The following ICA1 variants were observed in gnomAD, a reference collection of about 807,000 sequenced individuals.
ICA1 encodes the protein islet cell autoantigen 1, also known as 69 kDa islet cell autoantigen.
A neutral mutation model predicts 71.0 loss-of-function variants in ICA1; 40 were observed. The observed-to-expected ratio is 0.56, with a 90% CI of 0.44 to 0.73. The LOEUF (loss-of-function observed/expected upper bound fraction) is 0.73. Ranked by LOEUF, ICA1 falls within the 30% of genes least tolerant of loss-of-function variation. ICA1 has a pLI of 0.00. For synonymous variants in ICA1, 207 were observed against 209.5 expected (o/e 0.99, Z 0.10); for missense variants, 578 against 576.5 (o/e 1.00, Z -0.03).
At chr7:8,190,253 T>G (rs998669467) in intron 6 of ICA1, among the ~76,000 whole-genome samples, 1 of 152,160 alleles carries the variant, frequency 6.6e-6, no homozygotes, top group African/African-American at 2.4e-5. Flanking sequence ...TAGGAACATT[T>G]GGAAAGTCCT....
intron 6 of ICA1, among the ~76,000 whole-genome samples, chr7:8,181,337 C>T (rs1406893191): frequency 6.6e-6 from 1 of 152,154 alleles, no homozygotes; most frequent in Non-Finnish European, 1.5e-5. Flanking sequence ...CATCGATCTA[C>T]TGGATCATTC....
At chr7:8,134,471 G>C (rs1033507626) in intron 12 of ICA1, among the ~76,000 whole-genome samples, 1 of 152,154 alleles carries the variant, frequency 6.6e-6, no homozygotes, top group Non-Finnish European at 1.5e-5. Context: ...CAGAAAAGCT[G>C]GCAGATAAAT....
chr7:8,140,912 C>T (rs1795009623), intron 10 of ICA1, among the ~76,000 whole-genome samples: 1 of 152,164 alleles, frequency 6.6e-6, no homozygotes, highest in African/African-American at 2.4e-5. Context: ...TCTCCTTTGC[C>T]TCCTCCTATC....
Position 8,161,495 on chromosome 7 carries a change from T to G in ICA1, c.580-2843A>C, listed in dbSNP as rs1457753860. ...CCTACTCTGACTCTGAGCTCGGCCA[T>G]GTGACTTGCGTTGGTCAATGGGATG... On this transcript the variant is annotated intron_variant, in intron 6 of 13. Transcript: ENST00000402384. Among the ~76,000 whole-genome samples, 6 of 152,212 alleles carry G rather than the reference T, an allele frequency of 3.9e-5. No homozygotes were observed. The South Asian group carries it at 8.3e-4, about 21-fold the overall frequency.
chr7:8,246,777 C>T (rs774247325), intron 1 of ICA1, among the ~76,000 whole-genome samples: 1 of 152,204 alleles, frequency 6.6e-6, no homozygotes, highest in Non-Finnish European at 1.5e-5. Flanking sequence ...GACGGAGTCT[C>T]GCTCTGTCAC....
intron 6 of ICA1, among the ~76,000 whole-genome samples, chr7:8,188,573 G>A (rs997437182): frequency 1.3e-5 from 2 of 152,180 alleles, no homozygotes; most frequent in African/African-American, 4.8e-5. Flanking sequence ...TGTGGAGTAA[G>A]GGTGGAAGCC....
intron 6 of ICA1, among the ~76,000 whole-genome samples, chr7:8,194,383 G>A (rs1786708784): frequency 6.6e-6 from 1 of 152,166 alleles, no homozygotes; most frequent in African/African-American, 2.4e-5. Flanking sequence ...TAAAATAAAA[G>A]ACGTTAACAT....
At chr7:8,243,362 A>G (rs895580669) in intron 1 of ICA1, among the ~76,000 whole-genome samples, 6 of 152,234 alleles carry the variant, frequency 3.9e-5, no homozygotes. Flanking sequence ...GACAAAATTC[A>G]ACAATGCTTC....
chr7:8,152,733 A>ACTACCC (rs1562702537), intron 8 of ICA1, among the ~76,000 whole-genome samples: 1 of 131,676 alleles, frequency 7.6e-6, no homozygotes, highest in Non-Finnish European at 1.7e-5. Flanking sequence ...CATCACCACC[A>ACTACCC]CCACCACAAC....
At chr7:8,258,634 A>G (rs1177517206) in intron 1 of ICA1, among the ~76,000 whole-genome samples, 1 of 152,236 alleles carries the variant, frequency 6.6e-6, no homozygotes, top group African/African-American at 2.4e-5. Context: ...CTACAGTCAC[A>G]TAGTAGGCAG....
chr7:8,177,703 G>A (rs180745949), intron 6 of ICA1, among the ~76,000 whole-genome samples: 1 of 152,266 alleles, frequency 6.6e-6, no homozygotes, highest in Non-Finnish European at 1.5e-5. Flanking sequence ...TTGATGGCCA[G>A]TCACTGTAAG....
intron 3 of ICA1, among the ~76,000 whole-genome samples, chr7:8,231,951 T>C (rs1800404893): frequency 6.6e-6 from 1 of 152,236 alleles, no homozygotes; most frequent in Non-Finnish European, 1.5e-5. Context: ...TGAATCCTTA[T>C]CAGACCATCT....
intron 1 of ICA1, among the ~76,000 whole-genome samples, chr7:8,258,693 C>G (rs1811142500): frequency 6.6e-6 from 1 of 152,132 alleles, no homozygotes; most frequent in Non-Finnish European, 1.5e-5. Context: ...TGTAGTCTTC[C>G]CTGTCCTGGA....
At chr7:8,133,155 G>A (rs1326538770) in intron 12 of ICA1, among the ~76,000 whole-genome samples, 2 of 152,122 alleles carry the variant, frequency 1.3e-5, no homozygotes, top group African/African-American at 4.8e-5. Flanking sequence ...GAGACCTGAG[G>A]GAGCACATTC....
intron 13 of ICA1, among the ~76,000 whole-genome samples, chr7:8,115,500 TC>T (rs1784514696): frequency 6.6e-6 from 1 of 152,202 alleles, no homozygotes; most frequent in Admixed American, 6.5e-5. Flanking sequence ...TCTAACCTCC[TC>T]AAGGGTCTTA....
chr7:8,150,308 C>T (rs1347105808), intron 8 of ICA1, among the ~76,000 whole-genome samples: 1 of 152,198 alleles, frequency 6.6e-6, no homozygotes, highest in East Asian at 1.9e-4. Context: ...TGCTTCTACA[C>T]AGTACCAAGC....
chr7:8,249,334 T>C (rs1038399978), intron 1 of ICA1, among the ~76,000 whole-genome samples: 1 of 152,232 alleles, frequency 6.6e-6, no homozygotes, highest in African/African-American at 2.4e-5. Flanking sequence ...AGTGAACAAA[T>C]TCTTCCACAG....
At chr7:8,174,349 TA>T (rs1192112780) in intron 6 of ICA1, among the ~76,000 whole-genome samples, 96 of 152,328 alleles carry the variant, frequency 6.3e-4, no homozygotes, top group African/African-American at 1.9e-3. Flanking sequence ...ATAGTTGTAG[TA>T]ATAAGCAGCC....
intron 8 of ICA1, among the ~76,000 whole-genome samples, chr7:8,153,494 G>A (rs1018391718): frequency 6.6e-6 from 1 of 152,076 alleles, no homozygotes. Context: ...TACTTATGAG[G>A]TCTTTTTTTT....
Sources: allele counts gnomAD v4.1 joint callset (sites outside exome capture counted in the v4.1 genomes callset), GRCh38; gene constraint gnomAD v4.1.1; transcripts MANE v1.5; gene names NCBI Gene and HGNC (gene_info 2026-07-23, HGNC 2026-07-21).